SVEP1: variants seen among roughly 807,000 people sequenced by gnomAD.
SVEP1 encodes sushi, von Willebrand factor type A, EGF and pentraxin domain-containing protein 1.
In SVEP1, 164 loss-of-function variants were observed where a neutral mutation model predicts 367.3. The observed-to-expected ratio is 0.45, with a 90% confidence interval of 0.39 to 0.51. SVEP1 has a LOEUF of 0.51. SVEP1 is among the 20% of genes least tolerant of loss of function. SVEP1 has a pLI of 0.00. For missense variants in SVEP1, 4,117 were observed against 4,425.3 expected (o/e 0.93, Z 1.98); for synonymous variants, 1,666 against 1,611.6 (o/e 1.03, Z -0.81).
intron 1 of SVEP1, among the ~76,000 whole-genome samples, chr9:110,571,450 C>T (rs149789943): frequency 4.5e-4 from 68 of 152,222 alleles, no homozygotes; most frequent in African/African-American, 1.5e-3. Flanking sequence ...TGGAAAGAAT[C>T]CCTGATGGTA....
intron 36 of SVEP1, among the ~76,000 whole-genome samples, chr9:110,424,923 C>G (rs1828229300): frequency 6.6e-6 from 1 of 152,250 alleles, no homozygotes. Context: ...ATCCACCTGC[C>G]TTGGCCTCCC....
rs571666467 is a variant in SVEP1, at chr9:110,492,573, C to T, written c.1801-2794G>A. Among the ~76,000 whole-genome samples the T allele has an allele frequency of 9.2e-5, 14 of 151,978 alleles. No individual in the cohort carries two copies. In the South Asian group the frequency reaches 2.7e-3, roughly 29 times the overall value. The stretch of plus-strand genomic sequence containing the variant: ...CTAAAGCTCCTAAGAATGGAAAAAT[C>T]GCCAGGAGGCTGACACAGCAGTGGC... On this transcript the variant is annotated intron_variant, in intron 8 of 47. Coordinates refer to ENST00000374469, the MANE Select transcript of SVEP1 (RefSeq NM_153366.4).
At chr9:110,454,100 T>G (rs1342339172) in intron 22 of SVEP1, among the ~76,000 whole-genome samples, 1 of 152,202 alleles carries the variant, frequency 6.6e-6, no homozygotes, top group Admixed American at 6.5e-5. Context: ...TTATAGATTC[T>G]GAATACTAGG....
At chr9:110,383,377 G>T (rs924219489) in intron 43 of SVEP1, among the ~76,000 whole-genome samples, 3 of 152,290 alleles carry the variant, frequency 2.0e-5, no homozygotes, top group Admixed American at 6.5e-5. Context: ...ATTTGCCTGG[G>T]TCGCACCTGC....
chr9:110,471,186 C>T, intron 16 of SVEP1, among the ~76,000 whole-genome samples, 178 bp downstream of exon 16: 1 of 152,166 alleles, frequency 6.6e-6, no homozygotes, highest in East Asian at 1.9e-4. Context: ...ACTAGATTTC[C>T]TGTCCCTACC....
At chr9:110,394,134 G>A (rs989471025) in intron 40 of SVEP1, among the ~76,000 whole-genome samples, 7 of 151,972 alleles carry the variant, frequency 4.6e-5, no homozygotes, top group African/African-American at 1.7e-4. Flanking sequence ...CACCTCACAT[G>A]GCCGGGTATT....
chr9:110,391,979 C>CTCTA (rs1034467762), intron 40 of SVEP1, among the ~76,000 whole-genome samples: 19 of 151,826 alleles, frequency 1.3e-4, no homozygotes, highest in Non-Finnish European at 2.5e-4. Flanking sequence ...TCATCTCCTC[C>CTCTA]TCTATCTTCA....
At chr9:110,562,688 A>G (rs1226332124) in intron 1 of SVEP1, among the ~76,000 whole-genome samples, 9 of 151,740 alleles carry the variant, frequency 5.9e-5, no homozygotes, top group Admixed American at 5.9e-4. Flanking sequence ...TCACTTTTTT[A>G]TTATTATTAT....
chr9:110,386,575 T>A (rs578020570), intron 42 of SVEP1, among the ~76,000 whole-genome samples: 7 of 152,094 alleles, frequency 4.6e-5, no homozygotes, highest in Non-Finnish European at 1.0e-4. Flanking sequence ...CATACTGCTA[T>A]GGGCAGGATA....
chr9:110,539,303 C>G (rs1041492197), intron 3 of SVEP1, among the ~76,000 whole-genome samples: 3 of 152,060 alleles, frequency 2.0e-5, no homozygotes, highest in African/African-American at 4.8e-5. Context: ...AAATAGCATA[C>G]GAGCTGCAGA....
chr9:110,543,164 A>T (rs1830174772), intron 3 of SVEP1, among the ~76,000 whole-genome samples: 1 of 152,074 alleles, frequency 6.6e-6, no homozygotes, highest in Non-Finnish European at 1.5e-5. Context: ...GAAGCCAGTG[A>T]TCAGTACTGC....
In SVEP1 at chr9:110,381,800, C is replaced by T. The variant is rs59876481; in HGVS notation, c.10238-2283G>A. 5.8e-3 allele frequency among the ~76,000 whole-genome samples: 880 copies of T among 152,140 alleles called. 12 individuals are homozygous for T. Among genetic ancestry groups the T allele is most frequent in the Middle Eastern group, 0.02 (6 of 294 alleles). On this transcript the variant is annotated intron_variant, in intron 43 of 47. Coordinates refer to ENST00000374469, the MANE Select transcript of SVEP1 (RefSeq NM_153366.4). ...TTGACAGTGAGGTGTTAAAGTCTCC[C>T]ACTATTATTGTGTAAATGTCAAAGA...
At chr9:110,528,162 A>ATATATG (rs1829969547) in intron 3 of SVEP1, among the ~76,000 whole-genome samples, 3 of 83,280 alleles carry the variant, frequency 3.6e-5, no homozygotes, top group Non-Finnish European at 8.0e-5. Context: ...GTGTGTATAT[A>ATATATG]TATATATATA....
At chr9:110,548,270 T>C (rs1410168438) in intron 2 of SVEP1, among the ~76,000 whole-genome samples, 2 of 152,172 alleles carry the variant, frequency 1.3e-5, no homozygotes, top group East Asian at 3.8e-4. Flanking sequence ...CATATAATAA[T>C]AGTTTCCATT....
chr9:110,443,696 C>T lies in SVEP1; in HGVS notation c.4488G>A (p.Arg1496=). 2 of 1,607,668 alleles carry T rather than the reference C, an allele frequency of 1.2e-6. No individual in the cohort carries two copies. Among genetic ancestry groups the T allele is most frequent in the East Asian group, 2.2e-5 (1 of 44,540 alleles). ...CCGAGGGACAGTTTGTTATCTTTTC[C>T]CTGCCATTCACATAAAGAACCCAGC... is the stretch of plus-strand genomic sequence containing the variant. The part of the protein sequence containing the change: ...YNGWVLYVNG[R]EKITNCPSVN... The change falls in exon 27 of 48, where the codon AGG becomes AGA. Residue 1496 remains arginine, a synonymous_variant. Coordinates refer to ENST00000374469, the MANE Select transcript of SVEP1 (RefSeq NM_153366.4).
chr9:110,396,898 A>C (rs376021365), intron 40 of SVEP1, among the ~76,000 whole-genome samples: 1 of 152,064 alleles, frequency 6.6e-6, no homozygotes, highest in Non-Finnish European at 1.5e-5. Flanking sequence ...ATTCACAGCC[A>C]AATTCTACCA....
At chr9:110,476,155 A>T in intron 14 of SVEP1, 49 bp downstream of exon 14, 1 of 1,159,942 alleles carries the variant, frequency 8.6e-7, no homozygotes, top group South Asian at 1.3e-5. Context: ...AATTATTCTT[A>T]TTTTGCAGAT....
At chr9:110,404,667 G>C in intron 38 of SVEP1, 115 bp from the exon 39 acceptor site, 6 of 938,038 alleles carry the variant, frequency 6.4e-6, no homozygotes, top group Middle Eastern at 2.2e-4. Context: ...GCAACATATT[G>C]ATTGTTGCAC....
intron 8 of SVEP1, 39 bp from the exon 9 acceptor site, chr9:110,489,818 A>G: frequency 6.3e-7 from 1 of 1,579,782 alleles, no homozygotes; most frequent in Non-Finnish European, 8.6e-7. Flanking sequence ...GTTAATGTCA[A>G]AAGTGCGTTT....
Sources: gnomAD v4.1 joint callset for allele counts (sites outside exome capture counted in the v4.1 genomes callset) on GRCh38, gnomAD v4.1.1 for gene constraint, MANE v1.5 for transcripts, NCBI Gene and HGNC (gene_info 2026-07-23, HGNC 2026-07-21) for gene names.